TBCD: variants seen among roughly 807,000 people sequenced by gnomAD.
TBCD encodes tubulin-specific chaperone D.
In TBCD, 105 loss-of-function variants were observed where a neutral mutation model predicts 169.3. That is an observed-to-expected ratio of 0.62 (90% CI 0.53 to 0.73). TBCD has a LOEUF of 0.73. TBCD is among the 30% of genes least tolerant of loss of function. The pLI is 0.00. For synonymous variants in TBCD, 700 were observed against 643.9 expected (o/e 1.09, Z -1.32); for missense variants, 1,444 against 1,600.1 (o/e 0.90, Z 1.66).
chr17:82,766,925 C>T (rs901120269), intron 4 of TBCD, among the ~76,000 whole-genome samples: 4 of 152,220 alleles, frequency 2.6e-5, no homozygotes, highest in Non-Finnish European at 5.9e-5. Context: ...CAGAGAAGCA[C>T]GTTTGAGACT....
intron 13 of TBCD, among the ~76,000 whole-genome samples, chr17:82,867,182 T>TA (rs1555622609): frequency 3.3e-5 from 5 of 151,854 alleles, no homozygotes; most frequent in African/African-American, 1.2e-4. Flanking sequence ...TGGCCTGGGG[T>TA]GGGGGGTCTG....
At chr17:82,773,724 C>G (rs1194564386) in intron 6 of TBCD, among the ~76,000 whole-genome samples, 2 of 151,174 alleles carry the variant, frequency 1.3e-5, no homozygotes, top group African/African-American at 4.9e-5. Flanking sequence ...TTTTCTTTTT[C>G]TTTCTTTTTT....
chr17:82,836,494 G>A (rs1317276890), intron 13 of TBCD, among the ~76,000 whole-genome samples: 1 of 152,210 alleles, frequency 6.6e-6, no homozygotes, highest in Non-Finnish European at 1.5e-5. Flanking sequence ...AGCCCTCAGA[G>A]GAGCAGATGA....
intron 15 of TBCD, among the ~76,000 whole-genome samples, chr17:82,887,174 C>T (rs537146672): frequency 0.095 from 5,692 of 60,040 alleles, 217 homozygotes; most frequent in African/African-American, 0.27. Flanking sequence ...TGTGTGCGCG[C>T]GCGCGCACGT....
chr17:82,797,912 A>T, intron 8 of TBCD, 110 bp downstream of exon 8: 2 of 453,948 alleles, frequency 4.4e-6, no homozygotes, highest in South Asian at 4.4e-5. Flanking sequence ...GTACATTGGT[A>T]TGTTTGGACA....
intron 7 of TBCD, among the ~76,000 whole-genome samples, chr17:82,794,878 A>G (rs1185220532): frequency 6.6e-6 from 1 of 152,310 alleles, no homozygotes; most frequent in Non-Finnish European, 1.5e-5. Flanking sequence ...CCCAGGGTAG[A>G]GAGAAGTGTG....
Position 82,807,659 on chromosome 17 carries a change from C to T in TBCD, c.1139C>T (p.Ala380Val), listed in dbSNP as rs1211333910. The stretch of plus-strand genomic sequence containing the variant: ...AAGGACACGGTCGTGCGGTGGTCTG[C>T]AGCCAAGGGGTAGGTGTCTGTGGCC... ...KDKDTVVRWS[A>V]AKGIGRMAGR... Residue 380 changes from alanine (A) to valine (V), a missense_variant, in exon 11 of 39, where the codon GCA becomes GTA. Transcript: ENST00000355528. 4 of 1,545,622 alleles carry T rather than the reference C, an allele frequency of 2.6e-6. No homozygotes were observed. The highest frequency in any genetic ancestry group is 3.5e-6 in the Non-Finnish European group (4 of 1,144,226).
intron 13 of TBCD, among the ~76,000 whole-genome samples, chr17:82,868,472 C>T (rs545286778): frequency 1.3e-5 from 2 of 152,244 alleles, no homozygotes; most frequent in East Asian, 1.9e-4. Flanking sequence ...CTCACTCTGG[C>T]GAATTTCACA....
intron 13 of TBCD, among the ~76,000 whole-genome samples, chr17:82,853,319 G>A (rs1189489028): frequency 6.6e-6 from 1 of 151,964 alleles, no homozygotes; most frequent in Non-Finnish European, 1.5e-5. Flanking sequence ...CAAAGTCCTG[G>A]GCTTAAGCAG....
chr17:82,880,023 C>T lies in TBCD; in HGVS notation c.1476-4122C>T, dbSNP rs117806068. The stretch of plus-strand genomic sequence containing the variant: ...ACTCTGCTTCCCTGCTTGAGTTGCC[C>T]GCATTCCTTTGCTCATGGGCTCTTC... On this transcript the variant is annotated intron_variant, in intron 14 of 38. Coordinates refer to ENST00000355528, the MANE Select transcript of TBCD (RefSeq NM_005993.5). The surrounding 1 kb of genome is among the most constrained non-coding windows in gnomAD (Gnocchi z 5.0). Among the ~76,000 whole-genome samples, 2,069 of 152,204 alleles carry T rather than the reference C, an allele frequency of 0.014. 31 individuals carry two copies. The highest frequency in any genetic ancestry group is 0.061 in the Middle Eastern group (18 of 294).
At position 82,925,083 on chromosome 17, in the gene TBCD, G is replaced by C. The variant is rs369189257; in HGVS notation, c.2379+26G>C. ...GTGAGGCTGGCCACGCGCAGTGGAC[G>C]GGGCCTAGGGCGAGGGTGTGGGAGC... On this transcript the variant is annotated intron_variant, in intron 27 of 38. Transcript: ENST00000355528. 171 of 1,525,660 alleles carry C rather than the reference G, an allele frequency of 1.1e-4. 3 individuals are homozygous for C. The Middle Eastern group carries it at 1.7e-3, about 15-fold the overall frequency. 94.5% of individuals were successfully genotyped at this position (1,525,660 alleles called of 1,614,324 possible).
In TBCD at chr17:82,789,419, A is replaced by T. The variant is rs1338583142; in HGVS notation, c.771+7698A>T. Among the ~76,000 whole-genome samples, 1 of 152,156 alleles carries T rather than the reference A, an allele frequency of 6.6e-6. No individual in the cohort carries two copies. The highest frequency in any genetic ancestry group is 1.5e-5 in the Non-Finnish European group (1 of 68,024). On this transcript the variant is annotated intron_variant, in intron 7 of 38. Coordinates refer to ENST00000355528, the MANE Select transcript of TBCD (RefSeq NM_005993.5). This position sits in a 1 kb window ranked among gnomAD's most constrained non-coding sequence, Gnocchi z 4.8. ...AGCCCGTCGCGGGGTCATGTGCTAG[A>T]CGGGGAGGGGGCTTGGCGGGTCACC... is the stretch of plus-strand genomic sequence containing the variant.
chr17:82,783,811 G>C (rs868716838), intron 7 of TBCD, among the ~76,000 whole-genome samples: 2 of 152,048 alleles, frequency 1.3e-5, no homozygotes, highest in Admixed American at 6.6e-5. Context: ...GAACTTTCAT[G>C]TGCAAGTTTT....
At chr17:82,940,365 T>TA (rs2063073166) in intron 37 of TBCD, among the ~76,000 whole-genome samples, 1 of 152,180 alleles carries the variant, frequency 6.6e-6, no homozygotes, top group African/African-American at 2.4e-5. Context: ...GTCCTGCCTG[T>TA]GGATGCTGCT....
chr17:82,884,173 C>G lies in TBCD; in HGVS notation c.1504C>G (p.Arg502Gly), dbSNP rs752953575. The G allele has an allele frequency of 6.2e-7, 1 of 1,610,564 alleles. No individual in the cohort carries two copies. Among genetic ancestry groups the G allele is most frequent in the Non-Finnish European group, 8.5e-7 (1 of 1,178,218 alleles). The change falls in exon 15 of 39, where the codon CGA becomes GGA. Residue 502 changes from arginine to glycine, a missense_variant. Arg to Gly is a moderately radical substitution (Grantham distance 125). Coordinates refer to ENST00000355528, the MANE Select transcript of TBCD (RefSeq NM_005993.5). The surrounding 1 kb of genome is among the most constrained non-coding windows in gnomAD (Gnocchi z 4.2). ...ACTGGTGATTGCTGCGGTGTTTGAC[C>G]GAGACATAAACTGCAGAAGAGCAGC... is the stretch of plus-strand genomic sequence containing the variant. The part of the protein sequence containing the change: ...SALVIAAVFD[R>G]DINCRRAASA...
chr17:82,922,309 C>T lies in TBCD; in HGVS notation c.2178+732C>T, dbSNP rs898874957. On this transcript the variant is annotated intron_variant, in intron 25 of 38. Transcript: ENST00000355528. This position sits in a 1 kb window ranked among gnomAD's most constrained non-coding sequence, Gnocchi z 4.1. ...TTGGGAGGCGAAGGTTGCAGTGAAC[C>T]GAGATCACGCCATTGCACTCCAGCC... is the stretch of plus-strand genomic sequence containing the variant. 3.3e-5 allele frequency among the ~76,000 whole-genome samples: 5 copies of T among 152,008 alleles called. No homozygotes were observed. The highest frequency in any genetic ancestry group is 7.3e-5 in the African/African-American group (3 of 41,366).
rs958268217 is a variant in TBCD at position 82,931,206 on chromosome 17, C to T, written c.3113+563C>T. The stretch of plus-strand genomic sequence containing the variant: ...GACACGGGCCTGGTGTCCCCTCGGG[C>T]GGGGCCTCGGCAGCCTCTCCCATGA... On this transcript the variant is annotated intron_variant, in intron 33 of 38. Coordinates refer to ENST00000355528, the MANE Select transcript of TBCD (RefSeq NM_005993.5). 1.6e-4 allele frequency among the ~76,000 whole-genome samples: 25 copies of T among 152,366 alleles called. No individual in the cohort carries two copies. The East Asian group carries it at 3.9e-3, about 24-fold the overall frequency.
In TBCD at chr17:82,942,628, G is replaced by A. The variant is rs994686759; in HGVS notation, c.*165G>A. 6.5e-5 allele frequency: 55 copies of A among 842,376 alleles called. No individual in the cohort carries two copies. Among genetic ancestry groups the A allele is most frequent in the African/African-American group, 6.3e-4 (37 of 58,496 alleles). 52.2% of individuals were successfully genotyped at this position (842,376 alleles called of 1,614,324 possible). ...GACAGCTTTTCCTCTCTGCACCTGC[G>A]CTCTGGTGACTTGGGGTGGACGCCT... On this transcript the variant is annotated 3_prime_UTR_variant, in exon 39 of 39. Coordinates refer to ENST00000355528, the MANE Select transcript of TBCD (RefSeq NM_005993.5).
chr17:82,892,456 C>G (rs56111736), intron 16 of TBCD, among the ~76,000 whole-genome samples: 4 of 152,230 alleles, frequency 2.6e-5, no homozygotes, highest in Non-Finnish European at 4.4e-5. Flanking sequence ...CTCCATCAGC[C>G]CAAGCTCCCA....
Sources: allele counts gnomAD v4.1 joint callset (sites outside exome capture counted in the v4.1 genomes callset), GRCh38; gene constraint gnomAD v4.1.1; non-coding constraint Gnocchi (gnomAD v3.1); transcripts MANE v1.5; gene names NCBI Gene and HGNC (gene_info 2026-07-23, HGNC 2026-07-21).